Variants in SYCP2 observed in about 807,000 individuals in gnomAD.
SYCP2 encodes the protein synaptonemal complex protein 2, also known as synaptonemal complex lateral element protein.
SYCP2 carries 55 observed loss-of-function variants against 211.3 expected under a neutral mutation model. That is an observed-to-expected ratio of 0.26 (90% CI 0.21 to 0.33). SYCP2 has a LOEUF of 0.33. Ranked by LOEUF, SYCP2 falls within the 10% of genes least tolerant of loss-of-function variation. The pLI, the probability that SYCP2 is intolerant of heterozygous loss-of-function variation, is 1.00. For synonymous variants in SYCP2, 570 were observed against 555.2 expected (o/e 1.03, Z -0.37); for missense variants, 1,731 against 1,752.0 (o/e 0.99, Z 0.21).
At chr20:59,879,822 AATATATAT>A (rs1159547809) in intron 31 of SYCP2, among the ~76,000 whole-genome samples, 925 of 51,030 alleles carry the variant, frequency 0.018, 10 homozygotes, top group Middle Eastern at 0.077. Context: ...AATATAAATA[AATATATAT>A]ATATATATAT....
At chr20:59,908,617 T>C (rs1464635800) in intron 14 of SYCP2, among the ~76,000 whole-genome samples, 1 of 152,216 alleles carries the variant, frequency 6.6e-6, no homozygotes, top group Non-Finnish European at 1.5e-5. Flanking sequence ...TCAAGGCACT[T>C]AGTTCACTTT....
chr20:59,929,845 A>T (rs1266295224), intron 2 of SYCP2, among the ~76,000 whole-genome samples: 1 of 152,132 alleles, frequency 6.6e-6, no homozygotes, highest in African/African-American at 2.4e-5. Flanking sequence ...AGACAAAAAA[A>T]AAAAGAGAAT....
At chr20:59,876,369 CAAA>C (rs765782164) in intron 33 of SYCP2, among the ~76,000 whole-genome samples, 1 of 23,076 alleles carries the variant, frequency 4.3e-5, no homozygotes, top group African/African-American at 1.2e-4. Flanking sequence ...GGCTGTGTCT[CAAA>C]AAAAAAAAAA....
Position 59,892,076 on chromosome 20 carries a change from C to G in SYCP2, c.2278G>C (p.Ala760Pro), listed in dbSNP as rs776637876. The change falls in exon 24 of 45, where the codon GCT (alanine) becomes CCT (proline). Residue 760 changes from alanine to proline, a missense_variant. Ala to Pro is a conservative substitution (Grantham distance 27, BLOSUM62 -1). Transcript: ENST00000357552. The stretch of plus-strand genomic sequence containing the variant: ...CTATGACTTTGCACATTTTTGCTAG[C>G]AGATGGATTTTTATCGCAAGTAGCA... ...NTATCDKNPS[A>P]SKNVQSHRKA... 1.2e-6 allele frequency: 2 copies of G among 1,611,496 alleles called. No individual in the cohort carries two copies. The highest frequency in any genetic ancestry group is 1.7e-6 in the Non-Finnish European group (2 of 1,178,734).
intron 15 of SYCP2, among the ~76,000 whole-genome samples, chr20:59,906,191 A>G (rs2060210203): frequency 6.6e-6 from 1 of 152,164 alleles, no homozygotes; most frequent in Admixed American, 6.5e-5. Context: ...CAAGCAATTG[A>G]TAAACCAATT....
chr20:59,895,491 T>TTA lies in SYCP2; in HGVS notation c.1610_1611insTA (p.Ser538AsnfsTer3). ...CTTCTGATGATCTAGATTTCAGTGA[T>TTA]GCAGCATTATCCACTCTATTTTCTG... On this transcript the variant is annotated frameshift_variant, in exon 20 of 45. Transcript: ENST00000357552. LOFTEE classifies it high-confidence loss of function. 6.2e-7 allele frequency: 1 copy of TTA among 1,613,192 alleles called. No homozygotes were observed. Among genetic ancestry groups the TTA allele is most frequent in the Non-Finnish European group, 8.5e-7 (1 of 1,179,386 alleles).
rs150811921 is a variant in SYCP2 at position 59,886,799 on chromosome 20, T to C, written c.2400A>G (p.Val800=). The change falls in exon 25 of 45, where the codon GTA becomes GTG. Residue 800 remains valine, a synonymous_variant. Coordinates refer to ENST00000357552, the MANE Select transcript of SYCP2 (RefSeq NM_014258.4). ...EKSKGKEFTN[V]AESLISQINK... The stretch of plus-strand genomic sequence containing the variant: ...TGATTTGGCTTATCAAGGATTCTGC[T>C]ACATTGGTAAATTCTTTCCCTTTTG... The C allele has an allele frequency of 1.1e-5, 18 of 1,592,488 alleles. No homozygotes were observed. Among genetic ancestry groups the C allele is most frequent in the Non-Finnish European group, 1.5e-5 (18 of 1,173,262 alleles).
At chr20:59,883,624 A>G (rs2059727314) in intron 26 of SYCP2, among the ~76,000 whole-genome samples, 2 of 150,440 alleles carry the variant, frequency 1.3e-5, no homozygotes, top group Middle Eastern at 6.8e-3. Context: ...GATCTCCCTT[A>G]TATGTGGAAT....
chr20:59,927,038 C>G (rs2060646457), intron 2 of SYCP2, among the ~76,000 whole-genome samples: 1 of 152,134 alleles, frequency 6.6e-6, no homozygotes, highest in Non-Finnish European at 1.5e-5. Flanking sequence ...GAACATATAA[C>G]TGGTACTTCC....
chr20:59,903,270 G>GA (rs1179856743), intron 15 of SYCP2, among the ~76,000 whole-genome samples: 1 of 151,986 alleles, frequency 6.6e-6, no homozygotes, highest in African/African-American at 2.4e-5. Flanking sequence ...AGAAAACTTT[G>GA]TTTTGTTGCT....
At chr20:59,899,775 G>A (rs538669976) in intron 18 of SYCP2, among the ~76,000 whole-genome samples, 8 of 151,518 alleles carry the variant, frequency 5.3e-5, no homozygotes, top group African/African-American at 1.5e-4. Context: ...GTAAAAGAAA[G>A]AACCTCATAC....
rs1489303349 is a variant in SYCP2 at position 59,892,061 on chromosome 20, G to C, written c.2293C>G (p.Gln765Glu). ...DKNPSASKNV[Q>E]SHRKAEKELT... ...TCTTTCTCTGCTTTTCTATGACTTT[G>C]CACATTTTTGCTAGCAGATGGATTT... The change falls in exon 24 of 45, where the codon CAA (glutamine) becomes GAA (glutamate). Residue 765 changes from glutamine to glutamate, a missense_variant. By Grantham distance (29) the Gln-to-Glu change is conservative. Coordinates refer to ENST00000357552, the MANE Select transcript of SYCP2 (RefSeq NM_014258.4). The C allele has an allele frequency of 6.2e-7, 1 of 1,610,912 alleles. No homozygotes were observed. The highest frequency in any genetic ancestry group is 8.5e-7 in the Non-Finnish European group (1 of 1,178,632).
chr20:59,881,143 T>C (rs2059671036), intron 29 of SYCP2, 120 bp from the exon 30 acceptor site: 9 of 593,664 alleles, frequency 1.5e-5, no homozygotes, highest in Non-Finnish European at 2.6e-5. Context: ...TTAGCTATAT[T>C]ATTCTGGCCA....
At chr20:59,924,249 C>T (rs2060592857) in intron 2 of SYCP2, among the ~76,000 whole-genome samples, 2 of 152,014 alleles carry the variant, frequency 1.3e-5, no homozygotes, top group South Asian at 4.1e-4. Context: ...TAGCCTAAGG[C>T]CTCTTTGCCT....
At chr20:59,890,777 G>A (rs1389079872) in intron 24 of SYCP2, among the ~76,000 whole-genome samples, 1 of 151,864 alleles carries the variant, frequency 6.6e-6, no homozygotes, top group African/African-American at 2.4e-5. Flanking sequence ...AAAATGACTA[G>A]CTCAGGGAAA....
intron 6 of SYCP2, 24 bp from the exon 7 acceptor site, chr20:59,919,206 A>G (rs773722082): frequency 8.8e-7 from 1 of 1,140,414 alleles, no homozygotes. Flanking sequence ...AATAATATTT[A>G]ATTTACAAGT....
At position 59,878,025 on chromosome 20, in the gene SYCP2, G is replaced by A; in HGVS notation, c.2962C>T (p.Gln988Ter). 6.2e-7 allele frequency: 1 copy of A among 1,605,792 alleles called. No individual in the cohort carries two copies. The highest frequency in any genetic ancestry group is 1.7e-5 in the Admixed American group (1 of 59,338). ...GKSRSSLEKG[Q>*]PSSKMTPSKN... ...TGGCTTACCATTTTAGAGCTTGGCT[G>A]TCCCTTTTCCAAGGATGATCCTGTA... is the stretch of plus-strand genomic sequence containing the variant. Residue 988 changes from glutamine (Q) to a stop codon, truncating the protein, a stop_gained, in exon 32 of 45, where the codon CAG becomes TAG. Transcript: ENST00000357552. LOFTEE classifies it high-confidence loss of function.
At chr20:59,908,428 C>A (rs1448176942) in intron 14 of SYCP2, among the ~76,000 whole-genome samples, 2 of 152,094 alleles carry the variant, frequency 1.3e-5, no homozygotes, top group African/African-American at 4.8e-5. Flanking sequence ...TTTTCCCTTA[C>A]CTCAAAACCT....
chr20:59,901,686 T>G lies in SYCP2; in HGVS notation c.1158A>C (p.Lys386Asn). Residue 386 changes from lysine to asparagine, a missense_variant, in exon 16 of 45, where the codon AAA (lysine) becomes AAC (asparagine). Physicochemically the swap from Lys to Asn is moderately conservative, Grantham distance 94. This residue lies in a region of SYCP2 where 1,387 missense variants were observed against 1,351.3 expected (regional missense o/e 1.03). Coordinates refer to ENST00000357552, the MANE Select transcript of SYCP2 (RefSeq NM_014258.4). ...ASLEITNVTQ[K>N]IFGATKHRES... ...CCCTATGTTTAGTTGCACCAAAAATTTTTTGAGTTACATTAGTGATTTCTA... is the reference window on the plus strand; with the variant it reads ...CCCTATGTTTAGTTGCACCAAAAATGTTTTGAGTTACATTAGTGATTTCTA... 6.3e-7 allele frequency: 1 copy of G among 1,583,798 alleles called. No homozygotes were observed. Among genetic ancestry groups the G allele is most frequent in the Non-Finnish European group, 8.6e-7 (1 of 1,164,098 alleles).
Sources: allele counts gnomAD v4.1 joint callset (sites outside exome capture counted in the v4.1 genomes callset), GRCh38; gene constraint gnomAD v4.1.1; regional missense constraint gnomAD v4.1.1; transcripts MANE v1.5; gene names NCBI Gene and HGNC (gene_info 2026-07-23, HGNC 2026-07-21).